Variants in BACH1 observed in about 807,000 individuals in gnomAD.
BACH1 encodes transcription regulator protein BACH1.
Under a neutral mutation model 52.9 loss-of-function variants are expected in BACH1, and 35 were observed. The observed-to-expected ratio is 0.66, with a 90% CI of 0.51 to 0.88. The LOEUF (loss-of-function observed/expected upper bound fraction) is 0.88, where lower values mean the gene tolerates loss of function less well. BACH1 is among the 40% of genes least tolerant of loss of function. BACH1 has a pLI of 0.00. For missense variants in BACH1, 808 were observed against 872.6 expected, an observed-to-expected ratio of 0.93 and a Z score of 0.93; for synonymous variants, 321 against 319.6, an observed-to-expected ratio of 1.00 and a Z score of -0.05.
At chr21:29,303,837 A>G (rs1407235566) in intron 1 of BACH1, among the ~76,000 whole-genome samples, 1 of 152,222 alleles carries the variant, frequency 6.6e-6, no homozygotes, top group South Asian at 2.1e-4. Context: ...TATTCATAGG[A>G]TAATAAAAAA....
chr21:29,336,126 A>G, intron 4 of BACH1, among the ~76,000 whole-genome samples: 1 of 152,022 alleles, frequency 6.6e-6, no homozygotes, highest in East Asian at 1.9e-4. Context: ...ATTTGATTAA[A>G]CCTGTTTAGT....
chr21:29,305,312 G>A (rs964735203), intron 1 of BACH1: 3 of 152,024 alleles, frequency 2.0e-5, no homozygotes, highest in Admixed American at 6.6e-5. Flanking sequence ...ATGCTGCTTG[G>A]GGATGAGCAT....
chr21:29,328,603 A>G (rs969590048), intron 3 of BACH1, among the ~76,000 whole-genome samples: 3 of 152,182 alleles, frequency 2.0e-5, no homozygotes, highest in African/African-American at 4.8e-5. Context: ...TAAGTGTACG[A>G]TACAGTATTG....
chr21:29,340,765 T>A (rs1263349657), intron 4 of BACH1, among the ~76,000 whole-genome samples: 1 of 152,102 alleles, frequency 6.6e-6, no homozygotes, highest in Admixed American at 6.5e-5. Context: ...TGAGAGACCA[T>A]AAAAAGAAAT....
chr21:29,323,341 A>G (rs1251758277), intron 2 of BACH1, among the ~76,000 whole-genome samples: 1 of 152,162 alleles, frequency 6.6e-6, no homozygotes, highest in Non-Finnish European at 1.5e-5. Flanking sequence ...AAAGGCCTCA[A>G]AAGTAGGGAA....
At chr21:29,327,741 A>C (rs1056438157) in intron 3 of BACH1, among the ~76,000 whole-genome samples, 1 of 152,148 alleles carries the variant, frequency 6.6e-6, no homozygotes, top group Non-Finnish European at 1.5e-5. Context: ...GAAGCGCTTG[A>C]ATGTGGGAGG....
At chr21:29,314,882 G>A (rs1033700769) in intron 1 of BACH1, among the ~76,000 whole-genome samples, 131 of 152,236 alleles carry the variant, frequency 8.6e-4, no homozygotes, top group African/African-American at 3.1e-3. Flanking sequence ...AAACAGTTAT[G>A]ATATTTAAGC....
chr21:29,308,475 A>G (rs913999223), intron 1 of BACH1, among the ~76,000 whole-genome samples: 2 of 152,160 alleles, frequency 1.3e-5, no homozygotes, highest in Non-Finnish European at 2.9e-5. Flanking sequence ...AATTGTTAAC[A>G]TTCTTTTTTA....
intron 1 of BACH1, among the ~76,000 whole-genome samples, chr21:29,309,416 C>T (rs967955150): frequency 2.0e-5 from 3 of 152,170 alleles, no homozygotes; most frequent in African/African-American, 7.2e-5. Flanking sequence ...TTCCATCCCT[C>T]CTCAGTTTTA....
chr21:29,343,388 T>C lies in BACH1; in HGVS notation c.*555T>C. 1 of 152,474 alleles carries C rather than the reference T, an allele frequency of 6.6e-6. No homozygotes were observed. 9.4% of individuals were successfully genotyped at this position (152,474 alleles called of 1,614,324 possible). On this transcript the variant is annotated 3_prime_UTR_variant, in exon 5 of 5. Transcript: ENST00000286800. Reference sequence around the variant, plus strand: ...TCTTACCTGAATCTTAGGGCTTTGTTCTTCGGCTCCTAAAATCAGGCTTTA... The same window carrying C: ...TCTTACCTGAATCTTAGGGCTTTGTCCTTCGGCTCCTAAAATCAGGCTTTA...
chr21:29,351,350 T>C (rs949858306), intron 2 of BACH1, among the ~76,000 whole-genome samples: 8 of 152,326 alleles, frequency 5.3e-5, no homozygotes, highest in Non-Finnish European at 1.0e-4. Flanking sequence ...GTAATACCTA[T>C]TTGGTCCACC....
At position 29,345,963 on chromosome 21, in the gene BACH1, T is replaced by G. The variant is rs1181904097; in HGVS notation, c.*3130T>G. ...ATAATATAATTTTCTAACAATGCAA[T>G]AAAACCACTAAACTTTTGTGTCCAT... On this transcript the variant is annotated 3_prime_UTR_variant, in exon 5 of 5. Coordinates refer to ENST00000286800, the MANE Select transcript of BACH1 (RefSeq NM_001186.4). 1 of 152,608 alleles carries G rather than the reference T, an allele frequency of 6.6e-6. No homozygotes were observed. The highest frequency in any genetic ancestry group is 2.4e-5 in the African/African-American group (1 of 41,452). 9.5% of individuals were successfully genotyped at this position (152,608 alleles called of 1,614,324 possible).
At position 29,342,436 on chromosome 21, in the gene BACH1, A is replaced by T. The variant is rs1241460835; in HGVS notation, c.1814A>T (p.His605Leu). The T allele has an allele frequency of 6.2e-7, 1 of 1,613,962 alleles. No individual in the cohort carries two copies. Among genetic ancestry groups the T allele is most frequent in the African/African-American group, 1.3e-5 (1 of 74,924 alleles). Reference protein sequence around the residue: ...EKESLLKERDHILSTLGETKQ... With the variant: ...EKESLLKERDLILSTLGETKQ... ...GAGAGCTTGTTGAAGGAAAGAGATCACATTTTGTCAACTCTGGGTGAGACA... is the reference window on the plus strand; with the variant it reads ...GAGAGCTTGTTGAAGGAAAGAGATCTCATTTTGTCAACTCTGGGTGAGACA... The change falls in exon 5 of 5, where the codon CAC becomes CTC. Residue 605 changes from histidine to leucine, a missense_variant. His to Leu is a moderately conservative substitution (Grantham distance 99). Coordinates refer to ENST00000286800, the MANE Select transcript of BACH1 (RefSeq NM_001186.4).
chr21:29,350,019 AG>A (rs1223575057), downstream of BACH1, among the ~76,000 whole-genome samples: 1 of 152,082 alleles, frequency 6.6e-6, no homozygotes, highest in African/African-American at 2.4e-5. Context: ...GAGACCAGTT[AG>A]GGCTCCACAG....
chr21:29,307,478 C>A (rs2088672418), intron 1 of BACH1, among the ~76,000 whole-genome samples: 1 of 152,060 alleles, frequency 6.6e-6, no homozygotes, highest in South Asian at 2.1e-4. Context: ...ACAGTAGGAT[C>A]CCCACCCACT....
At chr21:29,358,015 C>T (rs928145356) in intron 2 of BACH1, among the ~76,000 whole-genome samples, 2 of 152,158 alleles carry the variant, frequency 1.3e-5, no homozygotes, top group African/African-American at 2.4e-5. Flanking sequence ...GGTCTGATGT[C>T]CACCCCTCAC....
intron 3 of BACH1, among the ~76,000 whole-genome samples, chr21:29,328,780 A>G (rs775600803): frequency 3.3e-5 from 5 of 152,144 alleles, no homozygotes; most frequent in African/African-American, 4.8e-5. Flanking sequence ...TCTACTTCGT[A>G]TAAGTGAAAT....
At chr21:29,348,966 T>C (rs867335210), downstream of BACH1, among the ~76,000 whole-genome samples, 132 of 151,970 alleles carry the variant, frequency 8.7e-4, 1 homozygote, top group African/African-American at 3.0e-3. Flanking sequence ...TGGTGGCAGG[T>C]GCCTGTAGTC....
chr21:29,327,411 C>T lies in BACH1; in HGVS notation c.1569+18C>T, dbSNP rs779086628. Reference sequence around the variant, plus strand: ...AATGTGAGGTGAGCAGGAATATGTTCTTAATTCATTGTTTTAATAACCATT... The same window carrying T: ...AATGTGAGGTGAGCAGGAATATGTTTTTAATTCATTGTTTTAATAACCATT... On this transcript the variant is annotated intron_variant, in intron 3 of 4. Coordinates refer to ENST00000286800, the MANE Select transcript of BACH1 (RefSeq NM_001186.4). 116 of 1,595,982 alleles carry T rather than the reference C, an allele frequency of 7.3e-5. No homozygotes were observed. In the South Asian group the frequency reaches 8.5e-4, roughly 12 times the overall value.
Sources: allele counts gnomAD v4.1 joint callset (sites outside exome capture counted in the v4.1 genomes callset), GRCh38; gene constraint gnomAD v4.1.1; transcripts MANE v1.5; gene names NCBI Gene and HGNC (gene_info 2026-07-23, HGNC 2026-07-21).